The following ADA2 variants were observed in gnomAD, a reference collection of about 807,000 sequenced individuals.
ADA2 encodes adenosine deaminase CECR1.
In ADA2, 29 loss-of-function variants were observed where a neutral mutation model predicts 44.2. That is an observed-to-expected ratio of 0.66 (90% CI 0.49 to 0.89). ADA2 has a LOEUF of 0.89. ADA2 is among the 40% of genes least tolerant of loss of function. The probability of loss-of-function intolerance (pLI) is 0.00; values close to 1 mark genes in which losing one functional copy is unlikely to be tolerated. For synonymous variants in ADA2, 215 were observed against 234.9 expected (o/e 0.92, Z 0.77); for missense variants, 637 against 644.8 (o/e 0.99, Z 0.13).
At chr22:17,211,696 G>A (rs1601464924) in intron 1 of ADA2, among the ~76,000 whole-genome samples, 1 of 152,058 alleles carries the variant, frequency 6.6e-6, no homozygotes, top group East Asian at 1.9e-4. Flanking sequence ...TTGGGAGGCT[G>A]AGGTGGACGG....
intron 3 of ADA2, among the ~76,000 whole-genome samples, chr22:17,205,327 T>C (rs1335876568): frequency 6.6e-6 from 1 of 152,064 alleles, no homozygotes; most frequent in Non-Finnish European, 1.5e-5. Flanking sequence ...GCCACCAGGC[T>C]GGTCTTGAAC....
At chr22:17,197,305 C>T (rs12160609) in intron 4 of ADA2, among the ~76,000 whole-genome samples, 36,756 of 149,696 alleles carry the variant, frequency 0.25, 4,657 homozygotes, top group Middle Eastern at 0.29. Flanking sequence ...TCTCACTCTG[C>T]GGCCCAGGCT....
At chr22:17,219,190 T>C (rs368139189) in intron 1 of ADA2, among the ~76,000 whole-genome samples, 166 bp downstream of exon 1, 35 of 152,290 alleles carry the variant, frequency 2.3e-4, no homozygotes, top group African/African-American at 8.4e-4. Flanking sequence ...CTTGGGCCCA[T>C]TTTCAAAAGC....
rs570048197 is a variant in ADA2, at chr22:17,190,586, T to A, written c.882-554A>T. ...AACAAAAGCCCCAAAACACAGGGTC[T>A]GGCGCAAGCCCACGACAGGCTCAAG... On this transcript the variant is annotated intron_variant, in intron 5 of 9. Coordinates refer to ENST00000399837, the MANE Select transcript of ADA2 (RefSeq NM_001282225.2). Among the ~76,000 whole-genome samples, 10 of 152,016 alleles carry A rather than the reference T, an allele frequency of 6.6e-5. No individual in the cohort carries two copies. The East Asian group carries it at 1.4e-3, about 21-fold the overall frequency.
intron 4 of ADA2, among the ~76,000 whole-genome samples, chr22:17,192,783 C>CAT (rs758264704): frequency 1.8e-4 from 28 of 151,648 alleles, no homozygotes; most frequent in Non-Finnish European, 2.9e-4. Flanking sequence ...GAGCCAAGAT[C>CAT]ATACCACTGC....
chr22:17,195,550 A>G (rs1385944666), intron 4 of ADA2, among the ~76,000 whole-genome samples: 1 of 151,894 alleles, frequency 6.6e-6, no homozygotes, highest in Non-Finnish European at 1.5e-5. Flanking sequence ...AAACAAAACA[A>G]AAAAATTTTT....
At position 17,180,244 on chromosome 22, in the gene ADA2, A is replaced by G. The variant is rs1438020444; in HGVS notation, c.*1239T>C. 1 of 152,460 alleles carries G rather than the reference A, an allele frequency of 6.6e-6. No individual in the cohort carries two copies. The highest frequency in any genetic ancestry group is 1.9e-4 in the East Asian group (1 of 5,202). 9.4% of individuals were successfully genotyped at this position (152,460 alleles called of 1,614,324 possible). A position where few individuals can be genotyped will look rare whatever the true frequency, so the allele number is the denominator to read the frequency against. Reference sequence around the variant, plus strand: ...AGGAGGCTGTTGTCATAGCTCAGGCAGGAGTATGGTAGCTTGGACTTGGCA... The same window carrying G: ...AGGAGGCTGTTGTCATAGCTCAGGCGGGAGTATGGTAGCTTGGACTTGGCA... On this transcript the variant is annotated 3_prime_UTR_variant, in exon 10 of 10. Transcript: ENST00000399837.
chr22:17,212,185 C>T (rs1013233520), intron 1 of ADA2, among the ~76,000 whole-genome samples: 35 of 151,936 alleles, frequency 2.3e-4, no homozygotes, highest in East Asian at 1.6e-3. Context: ...CCACCACGCC[C>T]GGCTAATTTT....
At chr22:17,190,336 G>T (rs543854287) in intron 5 of ADA2, among the ~76,000 whole-genome samples, 1 of 152,160 alleles carries the variant, frequency 6.6e-6, no homozygotes, top group Non-Finnish European at 1.5e-5. Context: ...TTTAGAGGAG[G>T]CCAGGTGGCC....
rs189938827 is a variant in ADA2 at position 17,195,990 on chromosome 22, G to A, written c.754-4180C>T. On this transcript the variant is annotated intron_variant, in intron 4 of 9. Coordinates refer to ENST00000399837, the MANE Select transcript of ADA2 (RefSeq NM_001282225.2). ...TCTTGAACTCCTGACCTCATGATCT[G>A]CTCGCCTCAGCCTCCCAAAGCGCTG... 2.6e-5 allele frequency among the ~76,000 whole-genome samples: 4 copies of A among 151,868 alleles called. No homozygotes were observed. The East Asian group carries it at 7.8e-4, about 30-fold the overall frequency.
At chr22:17,199,886 C>A in intron 4 of ADA2, 1 of 590,584 alleles carries the variant, frequency 1.7e-6, no homozygotes, top group Non-Finnish European at 2.6e-6. Flanking sequence ...TCCAGACCAG[C>A]CTGGGCAATA....
intron 1 of ADA2, 167 bp from the exon 2 acceptor site, chr22:17,209,890 T>C (rs1393580259): frequency 8.3e-6 from 1 of 119,766 alleles, no homozygotes; most frequent in Non-Finnish European, 1.7e-5. Flanking sequence ...GGTTTCCCAA[T>C]TTTTTTTTTT....
At chr22:17,183,347 T>C (rs1307845942) in intron 7 of ADA2, among the ~76,000 whole-genome samples, 1 of 151,900 alleles carries the variant, frequency 6.6e-6, no homozygotes, top group Non-Finnish European at 1.5e-5. Flanking sequence ...CCTCCCAAAG[T>C]GCTGGGATTA....
rs1165280291 is a variant in ADA2, at chr22:17,209,480, G to A, written c.198C>T (p.Leu66=). Residue 66 remains leucine, a synonymous_variant, in exon 2 of 10, where the codon CTC becomes CTT. Transcript: ENST00000399837. Reference sequence around the variant, plus strand: ...TGGCCTCCTTCATCTCAGCGATTTTGAGCGTCATGAGCCTCTCATTGGCCA... The same window carrying A: ...TGGCCTCCTTCATCTCAGCGATTTTAAGCGTCATGAGCCTCTCATTGGCCA... ...EELANERLMT[L]KIAEMKEAMR... 5 of 1,614,116 alleles carry A rather than the reference G, an allele frequency of 3.1e-6. No homozygotes were observed. The highest frequency in any genetic ancestry group is 4.2e-6 in the Non-Finnish European group (5 of 1,180,028).
chr22:17,181,308 T>A lies in ADA2; in HGVS notation c.*175A>T. 3.1e-6 allele frequency: 2 copies of A among 638,582 alleles called. No individual in the cohort carries two copies. The highest frequency in any genetic ancestry group is 2.7e-5 in the East Asian group (1 of 37,602). 39.6% of individuals were successfully genotyped at this position (638,582 alleles called of 1,614,324 possible). A position where few individuals can be genotyped will look rare whatever the true frequency, so the allele number is the denominator to read the frequency against. ...CCAAGAGGGTCAATGTCACTGTGGC[T>A]GAGAGAGAATATTTCCAGAGGATGA... On this transcript the variant is annotated 3_prime_UTR_variant, in exon 10 of 10. Coordinates refer to ENST00000399837, the MANE Select transcript of ADA2 (RefSeq NM_001282225.2).
intron 6 of ADA2, 147 bp from the exon 7 acceptor site, chr22:17,188,594 A>C: frequency 1.7e-6 from 1 of 578,216 alleles, no homozygotes; most frequent in Non-Finnish European, 3.1e-6. Context: ...AATGACCAGG[A>C]GCAGGCCAGG....
Position 17,216,637 on chromosome 22 carries a change from G to A in ADA2, c.-47+2719C>T, listed in dbSNP as rs1409417097. Among the ~76,000 whole-genome samples the A allele has an allele frequency of 9.2e-5, 14 of 151,830 alleles. 1 individual carries two copies. The highest frequency in any genetic ancestry group is 9.2e-4 in the Admixed American group (14 of 15,238). On this transcript the variant is annotated intron_variant, in intron 1 of 9. Transcript: ENST00000399837. Reference sequence around the variant, plus strand: ...AAAACTAGCCATGTGGCGTGTGCCTGTAATCCCAGCTACTTGGGAGGCTGA... The same window carrying A: ...AAAACTAGCCATGTGGCGTGTGCCTATAATCCCAGCTACTTGGGAGGCTGA...
chr22:17,181,256 G>A lies in ADA2; in HGVS notation c.*227C>T, dbSNP rs1303740219. On this transcript the variant is annotated 3_prime_UTR_variant, in exon 10 of 10. Coordinates refer to ENST00000399837, the MANE Select transcript of ADA2 (RefSeq NM_001282225.2). Reference sequence around the variant, plus strand: ...AGAAGACTCTGAAATAGGGAAACTGGAAGAAATGGCCAGAGACAGGAGAAA... The same window carrying A: ...AGAAGACTCTGAAATAGGGAAACTGAAAGAAATGGCCAGAGACAGGAGAAA... 1.9e-6 allele frequency: 1 copy of A among 514,358 alleles called. No individual in the cohort carries two copies. The highest frequency in any genetic ancestry group is 3.5e-6 in the Non-Finnish European group (1 of 284,916). 31.9% of individuals were successfully genotyped at this position (514,358 alleles called of 1,614,324 possible).
At chr22:17,200,718 CTAA>C (rs1292535491) in intron 4 of ADA2, among the ~76,000 whole-genome samples, 3 of 151,752 alleles carry the variant, frequency 2.0e-5, no homozygotes, top group Non-Finnish European at 4.4e-5. Flanking sequence ...CCTGTCTCTA[CTAA>C]TAATACAAAA....
Sources: allele counts gnomAD v4.1 joint callset (sites outside exome capture counted in the v4.1 genomes callset), GRCh38; gene constraint gnomAD v4.1.1; transcripts MANE v1.5; gene names NCBI Gene and HGNC (gene_info 2026-07-23, HGNC 2026-07-21).